OR3A3: variants seen among roughly 807,000 people sequenced by gnomAD.
OR3A3 encodes the protein olfactory receptor 3A3.
For missense variants in OR3A3, 275 were observed against 391.4 expected (o/e 0.70, Z 2.51); for synonymous variants, 103 against 163.9 (o/e 0.63, Z 2.84).
chr17:3,417,806 C>G (rs532175030), intron 2 of OR3A3, among the ~76,000 whole-genome samples: 1 of 152,294 alleles, frequency 6.6e-6, no homozygotes, highest in Admixed American at 6.5e-5. Flanking sequence ...TTGATTTCTG[C>G]CAATATACCC....
At chr17:3,422,146 G>A (rs1000442391) in exon 3 of OR3A3, 3 of 152,198 alleles carry the variant, frequency 2.0e-5, no homozygotes, top group African/African-American at 7.2e-5. Context: ...CCAGTGCCAG[G>A]AATCATTTCA....
exon 3 of OR3A3, chr17:3,421,213 G>A: frequency 1.2e-6 from 2 of 1,614,196 alleles, no homozygotes; most frequent in Non-Finnish European, 8.5e-7. Context: ...AGCCTTCATG[G>A]CTGTGGCACC....
At chr17:3,423,945 CA>C (rs1199563681) in exon 3 of OR3A3, 1 of 86,220 alleles carries the variant, frequency 1.2e-5, no homozygotes, top group Non-Finnish European at 2.4e-5. Context: ...AATGCCATCT[CA>C]AAAAAAGAAA....
At chr17:3,415,312 G>A (rs2072383774) in intron 2 of OR3A3, among the ~76,000 whole-genome samples, 1 of 151,760 alleles carries the variant, frequency 6.6e-6, no homozygotes, top group African/African-American at 2.4e-5. Context: ...TGTAATCCCA[G>A]CACTTTGGGA....
chr17:3,419,242 A>G (rs1453369097), intron 2 of OR3A3, among the ~76,000 whole-genome samples: 1 of 152,212 alleles, frequency 6.6e-6, no homozygotes, highest in Non-Finnish European at 1.5e-5. Context: ...TCTGACATTC[A>G]GAATCATGAG....
At chr17:3,415,708 C>G (rs1384205588) in intron 2 of OR3A3, among the ~76,000 whole-genome samples, 2 of 149,980 alleles carry the variant, frequency 1.3e-5, no homozygotes, top group African/African-American at 4.9e-5. Flanking sequence ...AGTGACTTGA[C>G]TGAGAATGCT....
chr17:3,419,204 CTT>C (rs2072410846), intron 2 of OR3A3, among the ~76,000 whole-genome samples: 1 of 152,218 alleles, frequency 6.6e-6, no homozygotes, highest in Non-Finnish European at 1.5e-5. Flanking sequence ...TGGTCCCTCT[CTT>C]TGAAGAAATG....
At chr17:3,414,174 C>T (rs758295813) in intron 2 of OR3A3, among the ~76,000 whole-genome samples, 6 of 152,126 alleles carry the variant, frequency 3.9e-5, no homozygotes, top group Admixed American at 6.5e-5. Flanking sequence ...CGGGTTCAAG[C>T]GATTCTCCTG....
intron 2 of OR3A3, among the ~76,000 whole-genome samples, chr17:3,413,172 A>G (rs533613987): frequency 6.6e-6 from 1 of 152,300 alleles, no homozygotes; most frequent in East Asian, 1.9e-4. Flanking sequence ...GCATGAAATA[A>G]TATGTGTGGG....
chr17:3,422,129 C>G (rs1041365928), exon 3 of OR3A3: 2 of 152,128 alleles, frequency 1.3e-5, no homozygotes, highest in African/African-American at 4.8e-5. Flanking sequence ...TATTTTGAAC[C>G]GTGGGCCCAG....
At chr17:3,420,121 T>A (rs543515990) in intron 2 of OR3A3, among the ~76,000 whole-genome samples, 14 of 152,260 alleles carry the variant, frequency 9.2e-5, no homozygotes, top group African/African-American at 1.2e-4. Flanking sequence ...GCCTTTTTTT[T>A]AACAAATTTT....
intron 2 of OR3A3, among the ~76,000 whole-genome samples, chr17:3,417,476 T>C (rs2072399485): frequency 6.6e-6 from 1 of 152,138 alleles, no homozygotes; most frequent in Non-Finnish European, 1.5e-5. Flanking sequence ...CCCATATACG[T>C]CTTACAGTAA....
At position 3,415,798 on chromosome 17, in the gene OR3A3, A is replaced by AATTATTATT. The variant is rs71153352; in HGVS notation, c.-7+3664_-7+3672dup. 7.0e-3 allele frequency among the ~76,000 whole-genome samples: 638 copies of AATTATTATT among 90,566 alleles called. 3 individuals are homozygous for AATTATTATT. The highest frequency in any genetic ancestry group is 0.02 in the South Asian group (64 of 3,276). 59.4% of individuals were successfully genotyped at this position (90,566 alleles called of 152,430 possible). A position where few individuals can be genotyped will look rare whatever the true frequency, so the allele number is the denominator to read the frequency against. ...TTTATTTTTTATTTACTTATTTTTA[A>AATTATTATT]ATTATTATTATTATTATTATTATTA... On this transcript the variant is annotated intron_variant, in intron 2 of 2. Transcript: ENST00000641141.
At chr17:3,414,822 C>T (rs894156615) in intron 2 of OR3A3, among the ~76,000 whole-genome samples, 2 of 152,016 alleles carry the variant, frequency 1.3e-5, no homozygotes, top group Non-Finnish European at 2.9e-5. Context: ...GCGTGCAAGG[C>T]AAGGGACTTT....
chr17:3,418,004 T>C (rs907092791), intron 2 of OR3A3, among the ~76,000 whole-genome samples: 1 of 152,210 alleles, frequency 6.6e-6, no homozygotes, highest in Non-Finnish European at 1.5e-5. Flanking sequence ...AGTTCTGTTA[T>C]CTCACATTTC....
chr17:3,418,053 TG>T (rs1251507318), intron 2 of OR3A3, among the ~76,000 whole-genome samples: 1 of 152,236 alleles, frequency 6.6e-6, no homozygotes, highest in African/African-American at 2.4e-5. Flanking sequence ...CCTGAGGTCT[TG>T]TATCTCTGTC....
intron 2 of OR3A3, among the ~76,000 whole-genome samples, chr17:3,413,879 T>G: frequency 1.3e-5 from 2 of 151,988 alleles, no homozygotes; most frequent in Middle Eastern, 6.8e-3. Flanking sequence ...TCTTAGAGAT[T>G]ACCGCATCCA....
At chr17:3,422,452 T>C (rs2072441271) in exon 3 of OR3A3, 1 of 152,246 alleles carries the variant, frequency 6.6e-6, no homozygotes, top group Non-Finnish European at 1.5e-5. Context: ...TATTGTAGAA[T>C]ACCCAATACA....
chr17:3,422,832 G>A (rs540259147), exon 3 of OR3A3: 1 of 152,492 alleles, frequency 6.6e-6, no homozygotes, highest in South Asian at 2.1e-4. Flanking sequence ...AGATGTGAGA[G>A]TGGGAGGTAG....
Sources: gnomAD v4.1 joint callset for allele counts (sites outside exome capture counted in the v4.1 genomes callset) on GRCh38, gnomAD v4.1.1 for gene constraint, MANE v1.5 for transcripts, NCBI Gene and HGNC (gene_info 2026-07-23, HGNC 2026-07-21) for gene names.